DAB2: variants seen among roughly 807,000 people sequenced by gnomAD.
DAB2 encodes disabled homolog 2.
Under a neutral mutation model 71.6 loss-of-function variants are expected in DAB2, and 28 were observed. The ratio of observed to expected loss-of-function variants is 0.39; its 90% CI spans 0.29 to 0.54. The LOEUF (loss-of-function observed/expected upper bound fraction) is 0.54, where lower values mean the gene tolerates loss of function less well. Ranked by LOEUF, DAB2 falls within the 20% of genes least tolerant of loss-of-function variation. The pLI, the probability that DAB2 is intolerant of heterozygous loss-of-function variation, is 0.68. For synonymous variants in DAB2, 345 were observed against 339.7 expected, an observed-to-expected ratio of 1.02 and a Z score of -0.17; for missense variants, 867 against 928.8, an observed-to-expected ratio of 0.93 and a Z score of 0.86.
In DAB2 at chr5:39,382,729, A is replaced by G. The variant is rs1435553265; in HGVS notation, c.1230T>C (p.Asn410=). Reference sequence around the variant, plus strand: ...AGCTTTCCAAGTCCTGCTTTACGCCATTCTGTATGGACAGTCCTTTGGGAG... The same window carrying G: ...AGCTTTCCAAGTCCTGCTTTACGCCGTTCTGTATGGACAGTCCTTTGGGAG... The part of the protein sequence containing the change: ...GSPPKGLSIQ[N]GVKQDLESSV... The change falls in exon 10 of 15, where the codon AAT becomes AAC. Residue 410 remains asparagine (N), a synonymous_variant. Transcript: ENST00000320816. 1.2e-6 allele frequency: 2 copies of G among 1,614,072 alleles called. No individual in the cohort carries two copies. The highest frequency in any genetic ancestry group is 1.7e-6 in the Non-Finnish European group (2 of 1,180,032).
At position 39,372,709 on chromosome 5, in the gene DAB2, C is replaced by G. The variant is rs780960429; in HGVS notation, c.*722G>C. ...TACTTGAACCCAGGAGCAAAACTGA[C>G]TGAAAAAAGAATCAGAAAAAAAAGG... On this transcript the variant is annotated 3_prime_UTR_variant, in exon 15 of 15. Transcript: ENST00000320816. The G allele has an allele frequency of 6.7e-6, 1 of 149,460 alleles. No individual in the cohort carries two copies. Among genetic ancestry groups the G allele is most frequent in the Non-Finnish European group, 1.5e-5 (1 of 67,644 alleles). The allele number at this position is 149,460 out of a possible 1,614,324, so 9.3% of individuals were successfully genotyped here. A position where few individuals can be genotyped will look rare whatever the true frequency, so the allele number is the denominator to read the frequency against.
chr5:39,411,438 A>T (rs1755727183), intron 1 of DAB2, among the ~76,000 whole-genome samples: 1 of 152,172 alleles, frequency 6.6e-6, no homozygotes, highest in South Asian at 2.1e-4. Flanking sequence ...CTTAAGGGAA[A>T]TGTGGGATGG....
rs371240158 is a variant in DAB2, at chr5:39,377,193, T to C, written c.1594A>G (p.Met532Val). ...AAACCTGAAGGTTGACCACCCATCA[T>C]GGCTCCCGGAGCCATTGAAGGGGAC... ...NQSPSMAPGA[M>V]MGGQPSGFSQ... Residue 532 changes from methionine (M) to valine (V), a missense_variant, in exon 12 of 15, where the codon ATG (methionine) becomes GTG (valine). Coordinates refer to ENST00000320816, the MANE Select transcript of DAB2 (RefSeq NM_001343.4). The C allele has an allele frequency of 1.2e-6, 2 of 1,614,140 alleles. No homozygotes were observed.
chr5:39,421,611 T>A (rs1755988120), intron 1 of DAB2, among the ~76,000 whole-genome samples: 1 of 152,202 alleles, frequency 6.6e-6, no homozygotes, highest in Non-Finnish European at 1.5e-5. Context: ...CCAGTCATCA[T>A]TTGTTCCCCT....
At chr5:39,397,983 G>C (rs1755406656) in intron 1 of DAB2, among the ~76,000 whole-genome samples, 1 of 152,184 alleles carries the variant, frequency 6.6e-6, no homozygotes, top group East Asian at 1.9e-4. Context: ...GTTCATCAAT[G>C]CATGTGTTGA....
chr5:39,379,259 A>G (rs1047568395), intron 11 of DAB2, among the ~76,000 whole-genome samples: 3 of 151,968 alleles, frequency 2.0e-5, no homozygotes, highest in African/African-American at 7.2e-5. Flanking sequence ...TTCAGAACCA[A>G]CCTGGCCAAC....
At chr5:39,384,674 T>A (rs564436713) in intron 9 of DAB2, among the ~76,000 whole-genome samples, 2 of 152,300 alleles carry the variant, frequency 1.3e-5, no homozygotes, top group East Asian at 3.9e-4. Flanking sequence ...GTAAATTTGA[T>A]GAATCCGACA....
At chr5:39,386,536 T>C (rs969247968) in intron 9 of DAB2, among the ~76,000 whole-genome samples, 1 of 152,194 alleles carries the variant, frequency 6.6e-6, no homozygotes, top group East Asian at 1.9e-4. Flanking sequence ...TCAGAGAGTA[T>C]ATATTTTGAT....
At chr5:39,388,032 C>T (rs1195171715) in intron 9 of DAB2, 1 of 321,620 alleles carries the variant, frequency 3.1e-6, no homozygotes, top group Non-Finnish European at 5.7e-6. Flanking sequence ...TTCACCTCCT[C>T]CTTCTAATCC....
chr5:39,408,778 TCTC>T (rs1270279335), intron 1 of DAB2: 2 of 152,132 alleles, frequency 1.3e-5, no homozygotes, highest in African/African-American at 2.4e-5. Flanking sequence ...ACCAGCCATC[TCTC>T]CTCTTGATAC....
Position 39,424,919 on chromosome 5 carries a change from G to A in DAB2, c.-217C>T, listed in dbSNP as rs920995954. On this transcript the variant is annotated 5_prime_UTR_variant, in exon 1 of 15. Transcript: ENST00000320816. ...AAATAGCCGCCGGCCGGGAGCTTCG[G>A]AGCCGCGCGGCCACTCCCGGCGAGA... 9 of 152,494 alleles carry A rather than the reference G, an allele frequency of 5.9e-5. No homozygotes were observed. The highest frequency in any genetic ancestry group is 2.2e-4 in the African/African-American group (9 of 41,422). 9.4% of individuals were successfully genotyped at this position (152,494 alleles called of 1,614,324 possible).
intron 1 of DAB2, among the ~76,000 whole-genome samples, chr5:39,412,696 G>A (rs3849765): frequency 0.95 from 144,258 of 152,188 alleles, 68,750 homozygotes; most frequent in African/African-American, 0.99. Context: ...AATGTTTATT[G>A]TATACCAGAT....
At chr5:39,412,758 C>T (rs1029549105) in intron 1 of DAB2, among the ~76,000 whole-genome samples, 1 of 152,136 alleles carries the variant, frequency 6.6e-6, no homozygotes, top group Admixed American at 6.6e-5. Context: ...CCCTATTTGA[C>T]AGGAGAGGAG....
intron 14 of DAB2, chr5:39,374,801 A>G (rs1223920744): frequency 2.0e-6 from 1 of 502,420 alleles, no homozygotes; most frequent in Non-Finnish European, 3.5e-6. Flanking sequence ...CCAAGGGTAT[A>G]TTACTATTTT....
chr5:39,389,901 A>C lies in DAB2; in HGVS notation c.494T>G (p.Leu165Arg). Residue 165 changes from leucine (L) to arginine (R), a missense_variant, in exon 6 of 15, where the codon CTT becomes CGT. Transcript: ENST00000320816. ...CTTTACATTATAGATAACTTGAAAA[A>C]GGTCTTTAAGATCAACAACTAATGG... ...AEPLVVDLKD[L>R]FQVIYNVKKK... The C allele has an allele frequency of 6.3e-7, 1 of 1,594,804 alleles. No individual in the cohort carries two copies. Among genetic ancestry groups the C allele is most frequent in the Non-Finnish European group, 8.6e-7 (1 of 1,168,506 alleles).
intron 1 of DAB2, among the ~76,000 whole-genome samples, chr5:39,402,043 G>A (rs575501527): frequency 2.2e-4 from 33 of 152,200 alleles, no homozygotes; most frequent in Admixed American, 1.7e-3. Context: ...TTACATGGTG[G>A]CAGACAAGAA....
intron 1 of DAB2, chr5:39,408,343 T>C (rs1755650303): frequency 6.6e-6 from 1 of 152,354 alleles, no homozygotes; most frequent in African/African-American, 2.4e-5. Flanking sequence ...GTCTCTAGGT[T>C]CTAGGTGGCA....
At chr5:39,396,947 C>T (rs1335390916) in intron 1 of DAB2, among the ~76,000 whole-genome samples, 4 of 152,318 alleles carry the variant, frequency 2.6e-5, no homozygotes, top group South Asian at 2.1e-4. Flanking sequence ...CCTCTATCTC[C>T]GGTTAGTGAA....
At chr5:39,411,256 T>C (rs948496729) in intron 1 of DAB2, among the ~76,000 whole-genome samples, 5 of 152,160 alleles carry the variant, frequency 3.3e-5, no homozygotes, top group Admixed American at 3.3e-4. Flanking sequence ...CCCGGGAATG[T>C]CAACATCAAT....
Sources: gnomAD v4.1 joint callset for allele counts (sites outside exome capture counted in the v4.1 genomes callset) on GRCh38, gnomAD v4.1.1 for gene constraint, MANE v1.5 for transcripts, NCBI Gene and HGNC (gene_info 2026-07-23, HGNC 2026-07-21) for gene names.